NKAIN3: variants seen among roughly 807,000 people sequenced by gnomAD.
NKAIN3 encodes sodium/potassium transporting ATPase interacting 3, also known as sodium/potassium-transporting ATPase subunit beta-1-interacting protein 3.
Under a neutral mutation model 30.2 loss-of-function variants are expected in NKAIN3, and 25 were observed. That is an observed-to-expected ratio of 0.83 (90% CI 0.60 to 1.16). The LOEUF (loss-of-function observed/expected upper bound fraction) is 1.16, where lower values mean the gene tolerates loss of function less well. Among genes scored for constraint, NKAIN3 ranks in the 50% most tolerant of loss-of-function variants. NKAIN3 has a pLI of 0.00. For synonymous variants in NKAIN3, 91 were observed against 89.6 expected (o/e 1.02, Z -0.09); for missense variants, 225 against 254.1 (o/e 0.89, Z 0.78).
intron 1 of NKAIN3, among the ~76,000 whole-genome samples, chr8:62,560,142 A>G (rs1399632588): frequency 3.3e-5 from 5 of 152,056 alleles, no homozygotes; most frequent in African/African-American, 4.8e-5. Flanking sequence ...TGTCATTCAT[A>G]TTGTTTCTTC....
At chr8:62,681,236 C>A (rs1260178901) in intron 3 of NKAIN3, among the ~76,000 whole-genome samples, 1 of 152,120 alleles carries the variant, frequency 6.6e-6, no homozygotes, top group Non-Finnish European at 1.5e-5. Flanking sequence ...TTTGTAACTG[C>A]AGTGTTATTA....
chr8:62,560,990 T>G (rs184945356), intron 1 of NKAIN3, among the ~76,000 whole-genome samples: 1 of 152,276 alleles, frequency 6.6e-6, no homozygotes, highest in African/African-American at 2.4e-5. Flanking sequence ...ATCTTTAATC[T>G]CCCATTTGTT....
At chr8:62,898,239 T>C (rs922894518) in intron 4 of NKAIN3, among the ~76,000 whole-genome samples, 6 of 151,800 alleles carry the variant, frequency 4.0e-5, no homozygotes, top group African/African-American at 1.5e-4. Context: ...AAAAAAATCA[T>C]TATATCAAAA....
At chr8:62,954,934 T>G (rs7835051) in intron 6 of NKAIN3, among the ~76,000 whole-genome samples, 85,309 of 151,990 alleles carry the variant, frequency 0.56, 24,803 homozygotes, top group African/African-American at 0.73. Flanking sequence ...AGATGATCTT[T>G]TTTTCTTTCA....
At chr8:62,346,436 A>C (rs1816009653) in intron 1 of NKAIN3, among the ~76,000 whole-genome samples, 2 of 152,144 alleles carry the variant, frequency 1.3e-5, no homozygotes. Context: ...ATAAATTATA[A>C]GATTTCAATG....
intron 4 of NKAIN3, among the ~76,000 whole-genome samples, chr8:62,886,267 A>G (rs1253134945): frequency 1.3e-5 from 2 of 152,038 alleles, no homozygotes; most frequent in Admixed American, 1.3e-4. Flanking sequence ...TGAGTGCCTC[A>G]TAATAGTAAA....
rs1298289842 is a variant in NKAIN3 at position 62,305,266 on chromosome 8, C to G, written c.54+56139C>G. Among the ~76,000 whole-genome samples the G allele has an allele frequency of 2.0e-5, 3 of 149,994 alleles. 1 individual carries two copies. The highest frequency in any genetic ancestry group is 7.6e-5 in the African/African-American group (3 of 39,620). On this transcript the variant is annotated intron_variant, in intron 1 of 6. Coordinates refer to ENST00000623646, the MANE Select transcript of NKAIN3 (RefSeq NM_001304533.3). ...ATAGCTATTTTGAACACAGATATTT[C>G]TATGAAATACGACTTTAAAGCTCCA...
At chr8:62,741,622 A>G (rs1815895306) in intron 3 of NKAIN3, among the ~76,000 whole-genome samples, 1 of 152,122 alleles carries the variant, frequency 6.6e-6, no homozygotes, top group Admixed American at 6.5e-5. Context: ...GTAAACAACT[A>G]CCTCAGCCCA....
chr8:62,499,087 T>G (rs1807333709), intron 1 of NKAIN3, among the ~76,000 whole-genome samples: 1 of 152,104 alleles, frequency 6.6e-6, no homozygotes, highest in Non-Finnish European at 1.5e-5. Flanking sequence ...TGATACAGAG[T>G]TCGATAGTAG....
intron 1 of NKAIN3, among the ~76,000 whole-genome samples, chr8:62,331,291 A>C (rs1321679198): frequency 1.3e-5 from 2 of 151,742 alleles, no homozygotes; most frequent in African/African-American, 4.8e-5. Context: ...AGGAGTTAGA[A>C]CTCATACATG....
chr8:62,992,671 C>T (rs1351242632), intron 5 of NKAIN3, among the ~76,000 whole-genome samples: 1 of 151,982 alleles, frequency 6.6e-6, no homozygotes, highest in Non-Finnish European at 1.5e-5. Flanking sequence ...CCATGATTCA[C>T]TCTACCTGTG....
intron 1 of NKAIN3, among the ~76,000 whole-genome samples, chr8:62,441,617 C>T (rs1480952117): frequency 1.3e-5 from 2 of 151,866 alleles, no homozygotes; most frequent in Non-Finnish European, 2.9e-5. Context: ...CAAACAACTT[C>T]CCAGAACTAC....
intron 3 of NKAIN3, among the ~76,000 whole-genome samples, chr8:62,743,073 G>A (rs1815956800): frequency 6.6e-6 from 1 of 152,172 alleles, no homozygotes; most frequent in African/African-American, 2.4e-5. Flanking sequence ...TCCACCACAT[G>A]TGAGATTATG....
At position 62,970,781 on chromosome 8, in the gene NKAIN3, A is replaced by C. The variant is rs11991193; in HGVS notation, c.*5374A>C. On this transcript the variant is annotated 3_prime_UTR_variant, in exon 7 of 7. Transcript: ENST00000623646. ...TTGTTCTTGTTTCTTTGATTGACTAAAAACATTGAATCATTTTCCATGTAA... is the reference window on the plus strand; with the variant it reads ...TTGTTCTTGTTTCTTTGATTGACTACAAACATTGAATCATTTTCCATGTAA... Among the ~76,000 whole-genome samples, 1,967 of 152,290 alleles carry C rather than the reference A, an allele frequency of 0.013. 48 individuals are homozygous for C. The highest frequency in any genetic ancestry group is 0.044 in the African/African-American group (1,834 of 41,552).
chr8:62,407,087 TA>T (rs2129595624), intron 1 of NKAIN3, among the ~76,000 whole-genome samples: 1 of 152,206 alleles, frequency 6.6e-6, no homozygotes, highest in Admixed American at 6.5e-5. Flanking sequence ...ACTGGACATT[TA>T]GGTATTAATT....
intron 1 of NKAIN3, among the ~76,000 whole-genome samples, chr8:62,561,535 A>G (rs967011223): frequency 4.5e-4 from 68 of 152,304 alleles, no homozygotes; most frequent in Non-Finnish European, 1.5e-4. Flanking sequence ...GAATTACTCT[A>G]AAGCTTCGGG....
chr8:62,879,127 A>G (rs1157797466), intron 4 of NKAIN3, among the ~76,000 whole-genome samples: 1 of 152,206 alleles, frequency 6.6e-6, no homozygotes, highest in Non-Finnish European at 1.5e-5. Context: ...CAGTCCCACC[A>G]ACAGTGTAAA....
intron 1 of NKAIN3, among the ~76,000 whole-genome samples, chr8:62,548,762 A>T (rs705975): frequency 0.04 from 5,978 of 150,864 alleles, 315 homozygotes; most frequent in East Asian, 0.2. Flanking sequence ...CATAGTTTAT[A>T]AAAATATATA....
intron 1 of NKAIN3, among the ~76,000 whole-genome samples, chr8:62,257,437 C>T (rs1198931085): frequency 6.6e-6 from 1 of 152,068 alleles, no homozygotes; most frequent in African/African-American, 2.4e-5. Flanking sequence ...TAGGTTGAAA[C>T]CTCCTTTCCC....
Sources: gnomAD v4.1 joint callset for allele counts (sites outside exome capture counted in the v4.1 genomes callset) on GRCh38, gnomAD v4.1.1 for gene constraint, MANE v1.5 for transcripts, NCBI Gene and HGNC (gene_info 2026-07-23, HGNC 2026-07-21) for gene names.